Variants in CCL21 observed in about 807,000 individuals in gnomAD.
CCL21 encodes the protein C-C motif chemokine ligand 21, also known as C-C motif chemokine 21.
A neutral mutation model predicts 16.4 loss-of-function variants in CCL21; 12 were observed. That is an observed-to-expected ratio of 0.73 (90% CI 0.47 to 1.18). The LOEUF (loss-of-function observed/expected upper bound fraction) is 1.18, where lower values mean the gene tolerates loss of function less well. CCL21 is among the 50% of genes most tolerant of loss of function. CCL21 has a pLI of 0.00. For missense variants in CCL21, 155 were observed against 163.8 expected, an observed-to-expected ratio of 0.95 and a Z score of 0.29; for synonymous variants, 64 against 62.1, an observed-to-expected ratio of 1.03 and a Z score of -0.15.
chr9:34,709,238 A>G lies in CCL21; in HGVS notation c.*156T>C. Reference sequence around the variant, plus strand: ...ATGCAGGGTAGAGCTGGGAATGCAGATGGGGTGGTTAAAGCAGGAGAAAGA... The same window carrying G: ...ATGCAGGGTAGAGCTGGGAATGCAGGTGGGGTGGTTAAAGCAGGAGAAAGA... On this transcript the variant is annotated 3_prime_UTR_variant, in exon 4 of 4. Transcript: ENST00000259607. The G allele has an allele frequency of 1.1e-6, 1 of 906,322 alleles. No homozygotes were observed. Among genetic ancestry groups the G allele is most frequent in the South Asian group, 1.5e-5 (1 of 68,858 alleles). 56.1% of individuals were successfully genotyped at this position (906,322 alleles called of 1,614,324 possible).
Position 34,709,890 on chromosome 9 carries a change from A to G in CCL21, c.75T>C (p.Asp25=). 15 of 1,614,210 alleles carry G rather than the reference A, an allele frequency of 9.3e-6. No individual in the cohort carries two copies. The highest frequency in any genetic ancestry group is 2.2e-5 in the South Asian group (2 of 91,084). The change falls in exon 2 of 4, where the codon GAT becomes GAC. Residue 25 remains aspartate, a synonymous_variant. Coordinates refer to ENST00000259607, the MANE Select transcript of CCL21 (RefSeq NM_002989.4). ...AFGIPRTQGS[D]GGAQDCCLKY... is the part of the protein sequence containing the mutation. ...TGAGGCAACAGTCCTGAGCCCCTCC[A>G]TCACTGCCTGCAGGGTGGGATTCAC...
chr9:34,709,111 A>G lies in CCL21; in HGVS notation c.*283T>C. 1 of 532,674 alleles carries G rather than the reference A, an allele frequency of 1.9e-6. No individual in the cohort carries two copies. The highest frequency in any genetic ancestry group is 3.3e-6 in the Non-Finnish European group (1 of 303,548). 33.0% of individuals were successfully genotyped at this position (532,674 alleles called of 1,614,324 possible). ...CCGTATCAGGTCCAGGGTCCTGATGATTCTCCTTCAAGGGGACAGTCCTGC... is the reference window on the plus strand; with the variant it reads ...CCGTATCAGGTCCAGGGTCCTGATGGTTCTCCTTCAAGGGGACAGTCCTGC... On this transcript the variant is annotated 3_prime_UTR_variant, in exon 4 of 4. Transcript: ENST00000259607.
Position 34,709,546 on chromosome 9 carries a change from C to A in CCL21, c.325G>T (p.Ala109Ser), listed in dbSNP as rs759642265. 2.4e-5 allele frequency: 39 copies of A among 1,614,008 alleles called. No homozygotes were observed. The South Asian group carries it at 3.8e-4, about 16-fold the overall frequency. Residue 109 changes from alanine (A) to serine (S), a missense_variant, in exon 3 of 4, where the codon GCC (alanine) becomes TCC (serine). Physicochemically the swap from Ala to Ser is moderately conservative, Grantham distance 99. Coordinates refer to ENST00000259607, the MANE Select transcript of CCL21 (RefSeq NM_002989.4). ...TTTCCTTTCTTGCCAGTCTTGGAGG[C>A]CCCCCTGTCCTTCCTGCAGCCCTGG... The part of the protein sequence containing the change: ...PAQGCRKDRG[A>S]SKTGKKGKGS...
rs1371156951 is a variant in CCL21, at chr9:34,709,786, G to A, written c.179C>T (p.Pro60Leu). 6.2e-7 allele frequency: 1 copy of A among 1,614,114 alleles called. No individual in the cohort carries two copies. The highest frequency in any genetic ancestry group is 8.5e-7 in the Non-Finnish European group (1 of 1,180,012). Residue 60 changes from proline (P) to leucine (L), a missense_variant, in exon 2 of 4, where the codon CCA becomes CTA. By Grantham distance (98) the Pro-to-Leu change is moderately conservative. Coordinates refer to ENST00000259607, the MANE Select transcript of CCL21 (RefSeq NM_002989.4). ...KQEPSLGCSI[P>L]AILFLPRKRS... The stretch of plus-strand genomic sequence containing the variant: ...CTTTGTGTCCACTCACAGGATAGCT[G>A]GGATGGAGCAGCCTAAGCTTGGTTC...
Position 34,709,389 on chromosome 9 carries a change from C to G in CCL21, c.*5G>C, listed in dbSNP as rs986119971. The G allele has an allele frequency of 1.2e-6, 2 of 1,606,654 alleles. No homozygotes were observed. The highest frequency in any genetic ancestry group is 2.7e-5 in the African/African-American group (2 of 74,288). On this transcript the variant is annotated 3_prime_UTR_variant, in exon 4 of 4. Transcript: ENST00000259607. ...GGTCTCCAGGGCTCCAGGCTGCTCA[C>G]TGGGCTATGGCCCTTTAGGGGTCTG...
In CCL21 at chr9:34,710,105, G is replaced by A. The variant is rs745595880; in HGVS notation, c.-39C>T. Reference sequence around the variant, plus strand: ...GGTGAGTAAGAGGCCAGAGCTGAGGGTGAGGTGGGCAGCTGCAAGTTGGGG... The same window carrying A: ...GGTGAGTAAGAGGCCAGAGCTGAGGATGAGGTGGGCAGCTGCAAGTTGGGG... On this transcript the variant is annotated 5_prime_UTR_variant, in exon 1 of 4. Transcript: ENST00000259607. The A allele has an allele frequency of 1.9e-6, 3 of 1,586,020 alleles. No homozygotes were observed. The highest frequency in any genetic ancestry group is 3.4e-5 in the Admixed American group (2 of 58,892).
chr9:34,709,917 GGGAGCCA>G lies in CCL21; in HGVS notation c.68-27_68-21del. ...CACTGCCTGCAGGGTGGGATTCACA[GGGAGCCA>G]GGGGCTGCTGGCAAGCTCCTATCCA... On this transcript the variant is annotated intron_variant, in intron 1 of 3. Coordinates refer to ENST00000259607, the MANE Select transcript of CCL21 (RefSeq NM_002989.4). The G allele has an allele frequency of 6.2e-7, 1 of 1,614,186 alleles. No individual in the cohort carries two copies. Among genetic ancestry groups the G allele is most frequent in the Non-Finnish European group, 8.5e-7 (1 of 1,180,010 alleles).
Position 34,709,150 on chromosome 9 carries a change from G to GCTC in CCL21, c.*241_*243dup. The stretch of plus-strand genomic sequence containing the variant: ...GGACAGTCCTGCTGCCTCCTCTCAT[G>GCTC]CTCCCTGGGAGACTCTCCCTCCTCG... On this transcript the variant is annotated 3_prime_UTR_variant, in exon 4 of 4. Coordinates refer to ENST00000259607, the MANE Select transcript of CCL21 (RefSeq NM_002989.4). 1 of 581,730 alleles carries GCTC rather than the reference G, an allele frequency of 1.7e-6. No individual in the cohort carries two copies. The highest frequency in any genetic ancestry group is 2.3e-5 in the South Asian group (1 of 42,982). The allele number at this position is 581,730 out of a possible 1,614,324, so 36.0% of individuals were successfully genotyped here. A position where few individuals can be genotyped will look rare whatever the true frequency, so the allele number is the denominator to read the frequency against.
At position 34,709,675 on chromosome 9, in the gene CCL21, G is replaced by T. The variant is rs753313552; in HGVS notation, c.196C>A (p.Pro66Thr). The T allele has an allele frequency of 6.2e-7, 1 of 1,613,886 alleles. No individual in the cohort carries two copies. Among genetic ancestry groups the T allele is most frequent in the East Asian group, 2.2e-5 (1 of 44,868 alleles). The change falls in exon 3 of 4, where the codon CCC (proline) becomes ACC (threonine). Residue 66 changes from proline to threonine, a missense_variant. Physicochemically the swap from Pro to Thr is conservative, Grantham distance 38. Transcript: ENST00000259607. Reference protein sequence around the residue: ...GCSIPAILFLPRKRSQAELCA... With the variant: ...GCSIPAILFLTRKRSQAELCA... ...AGCTCTGCCTGAGAGCGCTTGCGGG[G>T]CAAGAACCTGCGGGTGGGGGCTAGT...
Position 34,710,086 on chromosome 9 carries a change from T to G in CCL21, c.-20A>C, listed in dbSNP as rs758442909. The G allele has an allele frequency of 8.1e-6, 13 of 1,610,720 alleles. No individual in the cohort carries two copies. In the Admixed American group the frequency reaches 2.2e-4, roughly 27 times the overall value. ...AGCCATGTCTGTGGTAGAGGGTGAGTAAGAGGCCAGAGCTGAGGGTGAGGT... is the reference window on the plus strand; with the variant it reads ...AGCCATGTCTGTGGTAGAGGGTGAGGAAGAGGCCAGAGCTGAGGGTGAGGT... On this transcript the variant is annotated 5_prime_UTR_variant, in exon 1 of 4. Coordinates refer to ENST00000259607, the MANE Select transcript of CCL21 (RefSeq NM_002989.4).
Position 34,709,373 on chromosome 9 carries a change from G to C in CCL21, c.*21C>G. On this transcript the variant is annotated 3_prime_UTR_variant, in exon 4 of 4. Coordinates refer to ENST00000259607, the MANE Select transcript of CCL21 (RefSeq NM_002989.4). The stretch of plus-strand genomic sequence containing the variant: ...CTGGTGAGGCTGGTGGGGTCTCCAG[G>C]GCTCCAGGCTGCTCACTGGGCTATG... 6.2e-7 allele frequency: 1 copy of C among 1,603,784 alleles called. No individual in the cohort carries two copies. The highest frequency in any genetic ancestry group is 8.5e-7 in the Non-Finnish European group (1 of 1,177,714).
In CCL21 at chr9:34,709,674, G is replaced by T; in HGVS notation, c.197C>A (p.Pro66His). 1 of 1,613,846 alleles carries T rather than the reference G, an allele frequency of 6.2e-7. No individual in the cohort carries two copies. The highest frequency in any genetic ancestry group is 8.5e-7 in the Non-Finnish European group (1 of 1,179,844). Residue 66 changes from proline (P) to histidine (H), a missense_variant, in exon 3 of 4, where the codon CCC becomes CAC. Transcript: ENST00000259607. ...TAGCTCTGCCTGAGAGCGCTTGCGG[G>T]GCAAGAACCTGCGGGTGGGGGCTAG... The part of the protein sequence containing the change: ...GCSIPAILFL[P>H]RKRSQAELCA...
chr9:34,709,710 TA>T (rs1454814542), intron 2 of CCL21, 28 bp from the exon 3 acceptor site: 7 of 1,613,460 alleles, frequency 4.3e-6, no homozygotes, highest in African/African-American at 1.3e-5. Context: ...TAAGCCTTCT[TA>T]GTCTTGCCCA....
chr9:34,709,532 G>C lies in CCL21; in HGVS notation c.339C>G (p.Gly113=). The part of the protein sequence containing the change: ...CRKDRGASKT[G]KKGKGSKGCK... ...AGCCTTTGGAGCCCTTTCCTTTCTT[G>C]CCAGTCTTGGAGGCCCCCCTGTCCT... The change falls in exon 3 of 4, where the codon GGC becomes GGG. Residue 113 remains glycine, a synonymous_variant. Transcript: ENST00000259607. The C allele has an allele frequency of 6.2e-7, 1 of 1,614,086 alleles. No homozygotes were observed. The highest frequency in any genetic ancestry group is 8.5e-7 in the Non-Finnish European group (1 of 1,180,002).
rs199737735 is a variant in CCL21, at chr9:34,709,643, T to C, written c.228A>G (p.Ala76=). 3 of 1,614,204 alleles carry C rather than the reference T, an allele frequency of 1.9e-6. No individual in the cohort carries two copies. The highest frequency in any genetic ancestry group is 3.3e-5 in the Admixed American group (2 of 60,024). Residue 76 remains alanine (A), a synonymous_variant, in exon 3 of 4, where the codon GCA becomes GCG. Coordinates refer to ENST00000259607, the MANE Select transcript of CCL21 (RefSeq NM_002989.4). Reference sequence around the variant, plus strand: ...GCTGCACCCAGAGCTCCTTTGGGTCTGCACATAGCTCTGCCTGAGAGCGCT... The same window carrying C: ...GCTGCACCCAGAGCTCCTTTGGGTCCGCACATAGCTCTGCCTGAGAGCGCT... ...PRKRSQAELC[A]DPKELWVQQL...
intron 3 of CCL21, 22 bp downstream of exon 3, chr9:34,709,478 C>A (rs1430883105): frequency 1.2e-5 from 19 of 1,613,874 alleles, no homozygotes; most frequent in Non-Finnish European, 1.6e-5. Context: ...TCCCCTTTAC[C>A]CACATCCCTC....
Position 34,709,188 on chromosome 9 carries a change from C to G in CCL21, c.*206G>C. On this transcript the variant is annotated 3_prime_UTR_variant, in exon 4 of 4. Transcript: ENST00000259607. ...CTCTCCCTCCTCGGTCTCTCTGGAC[C>G]TGGCCTGCTGTGGGCAGCTCAGCCA... 1.5e-6 allele frequency: 1 copy of G among 646,342 alleles called. No individual in the cohort carries two copies. Among genetic ancestry groups the G allele is most frequent in the South Asian group, 2.0e-5 (1 of 50,498 alleles). 40.0% of individuals were successfully genotyped at this position (646,342 alleles called of 1,614,324 possible).
At chr9:34,709,463 G>T (rs1326745863) in intron 3 of CCL21, 36 bp from the exon 4 acceptor site, 1 of 1,613,314 alleles carries the variant, frequency 6.2e-7, no homozygotes, top group Admixed American at 1.7e-5. Context: ...GGGGCTGACT[G>T]AGGCTCCCCT....
chr9:34,710,007 C>G lies in CCL21; in HGVS notation c.60G>C (p.Arg20Ser), dbSNP rs1259222173. Reference protein sequence around the residue: ...LILVLAFGIPRTQGSDGGAQD... With the variant: ...LILVLAFGIPSTQGSDGGAQD... ...CCCTCCCTGCCTTGGTACCTTGGGT[C>G]CTGGGGATGCCAAAGGCCAGAACCA... Residue 20 changes from arginine to serine, a missense_variant, in exon 1 of 4, where the codon AGG (arginine) becomes AGC (serine). Coordinates refer to ENST00000259607, the MANE Select transcript of CCL21 (RefSeq NM_002989.4). 1.9e-6 allele frequency: 3 copies of G among 1,614,100 alleles called. No homozygotes were observed. The highest frequency in any genetic ancestry group is 2.2e-5 in the East Asian group (1 of 44,882).
Sources: allele counts gnomAD v4.1 joint callset, GRCh38; gene constraint gnomAD v4.1.1; transcripts MANE v1.5; gene names NCBI Gene and HGNC (gene_info 2026-07-23, HGNC 2026-07-21).